HYDIN: variants seen among roughly 807,000 people sequenced by gnomAD.
HYDIN encodes the protein axonemal central pair apparatus protein HYDIN.
Under a neutral mutation model 403.9 loss-of-function variants are expected in HYDIN, and 132 were observed. The ratio of observed to expected loss-of-function variants is 0.33; its 90% CI spans 0.28 to 0.38. HYDIN has a LOEUF of 0.38. HYDIN is among the 10% of genes least tolerant of loss of function. The pLI is 1.00. For synonymous variants in HYDIN, 1,202 were observed against 1,891.7 expected, an observed-to-expected ratio of 0.64 and a Z score of 9.46; for missense variants, 2,827 against 5,009.5, an observed-to-expected ratio of 0.56 and a Z score of 13.15.
chr16:71,049,892 G>C lies in HYDIN; in HGVS notation c.2529+10612C>G, dbSNP rs371177812. On this transcript the variant is annotated intron_variant, in intron 18 of 85. Transcript: ENST00000393567. Reference sequence around the variant, plus strand: ...CAAAATCAGACAGGATTTGCAAATTGAAACATACTGAAGAGGCAACAGAGA... The same window carrying C: ...CAAAATCAGACAGGATTTGCAAATTCAAACATACTGAAGAGGCAACAGAGA... 2.5e-3 allele frequency among the ~76,000 whole-genome samples: 351 copies of C among 142,976 alleles called. 5 individuals carry two copies. Among genetic ancestry groups the C allele is most frequent in the African/African-American group, 8.4e-3 (323 of 38,328 alleles). The allele number at this position is 142,976 out of a possible 152,430, so 93.8% of individuals were successfully genotyped here. A position where few individuals can be genotyped will look rare whatever the true frequency, so the allele number is the denominator to read the frequency against.
intron 8 of HYDIN, among the ~76,000 whole-genome samples, chr16:71,133,522 TTCC>T (rs1276166727): frequency 2.0e-5 from 3 of 152,202 alleles, no homozygotes; most frequent in African/African-American, 7.2e-5. Context: ...AACATGTCAT[TTCC>T]TCCATCTGCA....
At chr16:70,971,924 G>A (rs1251641067) in intron 35 of HYDIN, among the ~76,000 whole-genome samples, 3 of 152,140 alleles carry the variant, frequency 2.0e-5, no homozygotes, top group Non-Finnish European at 2.9e-5. Flanking sequence ...TATATGGATC[G>A]TATGGGTTGC....
chr16:71,036,083 T>C (rs1354128076), intron 18 of HYDIN, among the ~76,000 whole-genome samples: 1 of 152,234 alleles, frequency 6.6e-6, no homozygotes, highest in African/African-American at 2.4e-5. Flanking sequence ...TGGTTCACTT[T>C]ACTGCCACAT....
intron 47 of HYDIN, among the ~76,000 whole-genome samples, chr16:70,914,053 T>C (rs796773378): frequency 3.7e-4 from 56 of 149,628 alleles, no homozygotes; most frequent in African/African-American, 1.3e-3. Context: ...AGATAGTTGG[T>C]TGGTGAATTC....
chr16:71,096,170 C>A (rs1473853447), intron 10 of HYDIN, among the ~76,000 whole-genome samples: 2 of 152,006 alleles, frequency 1.3e-5, no homozygotes, highest in Non-Finnish European at 2.9e-5. Flanking sequence ...TTTCTTCCAG[C>A]ACTTTGAAGA....
chr16:71,224,890 A>C (rs2040965640), intron 1 of HYDIN, among the ~76,000 whole-genome samples: 1 of 152,176 alleles, frequency 6.6e-6, no homozygotes, highest in Admixed American at 6.5e-5. Flanking sequence ...ATGGACTAGA[A>C]GAACTAAAAT....
chr16:71,129,494 T>C (rs56118731), intron 9 of HYDIN, 146 bp downstream of exon 9: 9 of 634,368 alleles, frequency 1.4e-5, no homozygotes, highest in African/African-American at 1.1e-4. Flanking sequence ...CTATATAATG[T>C]CTCACAGTGA....
intron 1 of HYDIN, among the ~76,000 whole-genome samples, chr16:71,213,324 G>T (rs1398449375): frequency 6.6e-6 from 1 of 151,942 alleles, no homozygotes; most frequent in Non-Finnish European, 1.5e-5. Context: ...TAATAATAGC[G>T]TTTATAATAT....
intron 71 of HYDIN, among the ~76,000 whole-genome samples, chr16:70,858,824 G>C (rs2039197836): frequency 6.6e-6 from 1 of 152,042 alleles, no homozygotes; most frequent in African/African-American, 2.4e-5. Flanking sequence ...AGGTAGGATT[G>C]TCTCTATGGT....
At chr16:70,944,497 A>G (rs1237113293) in intron 41 of HYDIN, among the ~76,000 whole-genome samples, 1 of 152,098 alleles carries the variant, frequency 6.6e-6, no homozygotes, top group Admixed American at 6.5e-5. Flanking sequence ...TTGGGAGCAG[A>G]GCCTTTCTGG....
In HYDIN at chr16:71,139,095, G is replaced by GAAAAAAAAAAAAAA. The variant is rs71758936; in HGVS notation, c.842-1757_842-1744dup. On this transcript the variant is annotated intron_variant, in intron 7 of 85. Coordinates refer to ENST00000393567, the MANE Select transcript of HYDIN (RefSeq NM_001270974.2). Reference sequence around the variant, plus strand: ...GCAAAACTCTGTCTCAAATAAAGAAGAAAAAAAAAAAAAAAAAAAAAAGAA... The same window carrying GAAAAAAAAAAAAAA: ...GCAAAACTCTGTCTCAAATAAAGAAGAAAAAAAAAAAAAAAAAAAAAAAAAAAAAAAAAAAAGAA... Among the ~76,000 whole-genome samples, 10 of 103,814 alleles carry GAAAAAAAAAAAAAA rather than the reference G, an allele frequency of 9.6e-5. 1 individual carries two copies. Among genetic ancestry groups the GAAAAAAAAAAAAAA allele is most frequent in the South Asian group, 3.2e-4 (1 of 3,170 alleles). 68.1% of individuals were successfully genotyped at this position (103,814 alleles called of 152,430 possible). A position where few individuals can be genotyped will look rare whatever the true frequency, so the allele number is the denominator to read the frequency against.
intron 83 of HYDIN, 21 bp from the exon 84 acceptor site, chr16:70,818,593 G>A: frequency 1.3e-6 from 1 of 790,410 alleles, no homozygotes; most frequent in Non-Finnish European, 2.1e-6. Flanking sequence ...GGGGAGAGAG[G>A]GAGGAAGGAG....
intron 3 of HYDIN, among the ~76,000 whole-genome samples, chr16:71,183,075 G>C (rs1034365889): frequency 1.3e-5 from 2 of 152,076 alleles, no homozygotes; most frequent in African/African-American, 4.8e-5. Context: ...TGGGGGCAGA[G>C]GGAGAATGAG....
chr16:71,031,199 CAAA>C (rs376968331), intron 19 of HYDIN, among the ~76,000 whole-genome samples: 2 of 25,216 alleles, frequency 7.9e-5, no homozygotes, highest in African/African-American at 2.7e-4. Context: ...GACTCCATCT[CAAA>C]AAAAAAAAAA....
Position 70,809,887 on chromosome 16 carries a change from G to A in HYDIN, c.14779C>T (p.Leu4927Phe). 6.2e-7 allele frequency: 1 copy of A among 1,614,236 alleles called. No individual in the cohort carries two copies. Among genetic ancestry groups the A allele is most frequent in the Non-Finnish European group, 8.5e-7 (1 of 1,180,044 alleles). ...YELYLKATPA[L>F]PEKPVHFQTV... ...TGGAAGTGAACAGGCTTTTCCGGAA[G>A]TGCTGGCGTGGCTTTCAGATAGAGC... Residue 4927 changes from leucine to phenylalanine, a missense_variant, in exon 85 of 86, where the codon CTT becomes TTT. Leu to Phe is a conservative substitution (Grantham distance 22). Coordinates refer to ENST00000393567, the MANE Select transcript of HYDIN (RefSeq NM_001270974.2).
At chr16:70,894,060 C>T (rs1251204661) in intron 55 of HYDIN, 2 of 153,084 alleles carry the variant, frequency 1.3e-5, no homozygotes, top group Admixed American at 6.5e-5. Flanking sequence ...ACCCTGGGAC[C>T]TCTTCTCACC....
chr16:71,217,519 A>C (rs1292914776), intron 1 of HYDIN, among the ~76,000 whole-genome samples: 4 of 152,170 alleles, frequency 2.6e-5, no homozygotes, highest in Admixed American at 2.6e-4. Flanking sequence ...TGACCTCAAA[A>C]TGAACTGGTT....
chr16:71,175,081 C>T (rs895619553), intron 5 of HYDIN, among the ~76,000 whole-genome samples: 4 of 151,784 alleles, frequency 2.6e-5, no homozygotes, highest in African/African-American at 9.7e-5. Context: ...ACCATCACCA[C>T]CACCATCTAC....
At chr16:71,161,386 C>T (rs1195439565) in intron 6 of HYDIN, among the ~76,000 whole-genome samples, 1 of 152,202 alleles carries the variant, frequency 6.6e-6, no homozygotes, top group Non-Finnish European at 1.5e-5. Flanking sequence ...TCCTAAAAGG[C>T]CACGGACTGG....
Sources: gnomAD v4.1 joint callset for allele counts (sites outside exome capture counted in the v4.1 genomes callset) on GRCh38, gnomAD v4.1.1 for gene constraint, MANE v1.5 for transcripts, NCBI Gene and HGNC (gene_info 2026-07-23, HGNC 2026-07-21) for gene names.